The following PTPRN2 variants were observed in gnomAD, a reference collection of about 807,000 sequenced individuals.
PTPRN2 encodes receptor-type tyrosine-protein phosphatase N2.
In PTPRN2, 74 loss-of-function variants were observed where a neutral mutation model predicts 118.8. That is an observed-to-expected ratio of 0.62 (90% CI 0.52 to 0.76). The LOEUF is 0.76. Ranked by LOEUF, PTPRN2 falls within the 30% of genes least tolerant of loss-of-function variation. The pLI is 0.00. For synonymous variants in PTPRN2, 641 were observed against 608.0 expected (o/e 1.05, Z -0.80); for missense variants, 1,481 against 1,394.4 (o/e 1.06, Z -0.99).
rs1800902549 is a variant in PTPRN2, at chr7:157,590,136, T to C, written c.2496+5102A>G. On this transcript the variant is annotated intron_variant, in intron 17 of 22. Coordinates refer to ENST00000389418, the MANE Select transcript of PTPRN2 (RefSeq NM_002847.5). This position sits in a 1 kb window ranked among gnomAD's most constrained non-coding sequence, Gnocchi z 4.0. ...TTTCTTCCTAAGATCTTGATATGAC[T>C]TCAAATAATGTAGCACAAGATTGGC... is the stretch of plus-strand genomic sequence containing the variant. Among the ~76,000 whole-genome samples, 1 of 152,238 alleles carries C rather than the reference T, an allele frequency of 6.6e-6. No individual in the cohort carries two copies. The highest frequency in any genetic ancestry group is 2.1e-4 in the South Asian group (1 of 4,826).
At chr7:157,982,100 GAGTCACAGAGACA>G (rs1563295626) in intron 11 of PTPRN2, among the ~76,000 whole-genome samples, 39 of 135,186 alleles carry the variant, frequency 2.9e-4, no homozygotes, top group Non-Finnish European at 4.8e-4. Flanking sequence ...TCTAAACCCC[GAGTCACAGAGACA>G]AGGAGGGGAA....
intron 3 of PTPRN2, among the ~76,000 whole-genome samples, chr7:158,232,167 C>A (rs1482081962): frequency 1.3e-5 from 2 of 151,558 alleles, no homozygotes; most frequent in African/African-American, 4.8e-5. Flanking sequence ...ATCAATAAAA[C>A]AAAAAGTTTT....
intron 11 of PTPRN2, among the ~76,000 whole-genome samples, chr7:157,913,376 C>T (rs1198722255): frequency 6.6e-6 from 1 of 152,210 alleles, no homozygotes; most frequent in Non-Finnish European, 1.5e-5. Flanking sequence ...TGCTCCTTCT[C>T]TCCTAAGTGC....
chr7:158,462,055 A>T, intron 2 of PTPRN2, among the ~76,000 whole-genome samples: 1 of 132,774 alleles, frequency 7.5e-6, no homozygotes, highest in African/African-American at 2.7e-5. Context: ...CCATGCTTTC[A>T]GACCCCCTGT....
intron 12 of PTPRN2, among the ~76,000 whole-genome samples, chr7:157,699,989 G>A (rs1797988866): frequency 6.6e-6 from 1 of 152,236 alleles, no homozygotes; most frequent in African/African-American, 2.4e-5. Context: ...TCTGCCACAT[G>A]TAACTATATG....
At chr7:158,332,197 C>A (rs1467341791) in intron 2 of PTPRN2, among the ~76,000 whole-genome samples, 2 of 146,994 alleles carry the variant, frequency 1.4e-5, no homozygotes, top group East Asian at 2.0e-4. Flanking sequence ...AGATGTGACA[C>A]CTGCAGACAT....
chr7:158,127,162 C>G (rs900278455), intron 9 of PTPRN2, among the ~76,000 whole-genome samples: 1 of 152,240 alleles, frequency 6.6e-6, no homozygotes, highest in Non-Finnish European at 1.5e-5. Context: ...GCCGGCCTCC[C>G]CGCAAGACTC....
chr7:158,301,215 G>A (rs1192998486), intron 3 of PTPRN2, among the ~76,000 whole-genome samples: 1 of 152,126 alleles, frequency 6.6e-6, no homozygotes, highest in Non-Finnish European at 1.5e-5. Flanking sequence ...ACCTGTATTT[G>A]CACTTTGCAC....
At chr7:158,179,986 T>C (rs921353211) in intron 5 of PTPRN2, among the ~76,000 whole-genome samples, 3 of 152,262 alleles carry the variant, frequency 2.0e-5, no homozygotes, top group East Asian at 3.8e-4. Context: ...TCTCTGCCTA[T>C]GGGGTAGCCT....
intron 21 of PTPRN2, among the ~76,000 whole-genome samples, chr7:157,557,875 GT>G (rs1301800151): frequency 6.6e-6 from 1 of 151,458 alleles, no homozygotes; most frequent in African/African-American, 2.4e-5. Context: ...AAAAATATAA[GT>G]TAAAGAAAAT....
intron 11 of PTPRN2, among the ~76,000 whole-genome samples, chr7:157,911,586 C>T (rs1427461757): frequency 6.6e-6 from 1 of 151,516 alleles, no homozygotes; most frequent in Non-Finnish European, 1.5e-5. Flanking sequence ...AGGAAGATAC[C>T]AAAGAATATT....
At chr7:157,734,453 G>A in intron 12 of PTPRN2, among the ~76,000 whole-genome samples, 1 of 152,246 alleles carries the variant, frequency 6.6e-6, no homozygotes, top group East Asian at 1.9e-4. Context: ...ACCTTCAGGA[G>A]CAAGCATGCT....
intron 12 of PTPRN2, among the ~76,000 whole-genome samples, chr7:157,722,880 C>A (rs1349957510): frequency 6.6e-6 from 1 of 152,084 alleles, no homozygotes; most frequent in African/African-American, 2.4e-5. Context: ...GTGGTGGGGC[C>A]AGGCTGTGTC....
rs1335549283 is a variant in PTPRN2 at position 158,244,721 on chromosome 7, A to C, written c.278-39448T>G. Among the ~76,000 whole-genome samples, 4 of 68,462 alleles carry C rather than the reference A, an allele frequency of 5.8e-5. No individual in the cohort carries two copies. In the East Asian group the frequency reaches 2.0e-3, roughly 34 times the overall value. The allele number at this position is 68,462 out of a possible 152,430, so 44.9% of individuals were successfully genotyped here. ...TGTGTGTGGTTGTGAGTTGTGTTAGAGTGAAAGTGTGTGTGTGTGTGAGTT... is the reference window on the plus strand; with the variant it reads ...TGTGTGTGGTTGTGAGTTGTGTTAGCGTGAAAGTGTGTGTGTGTGTGAGTT... On this transcript the variant is annotated intron_variant, in intron 3 of 22. Transcript: ENST00000389418.
chr7:158,083,949 G>C (rs566153417), intron 10 of PTPRN2, among the ~76,000 whole-genome samples: 1 of 12,788 alleles, frequency 7.8e-5, no homozygotes, highest in Non-Finnish European at 4.1e-4. Context: ...AGGCTCTGAC[G>C]TGGGAAGAAG....
chr7:158,305,317 G>A (rs1046787162), intron 3 of PTPRN2, among the ~76,000 whole-genome samples: 3 of 152,100 alleles, frequency 2.0e-5, no homozygotes, highest in Non-Finnish European at 2.9e-5. Flanking sequence ...TTTTAACAAG[G>A]AAAGGACAAC....
intron 3 of PTPRN2, among the ~76,000 whole-genome samples, chr7:158,225,871 G>A (rs79227231): frequency 0.032 from 4,785 of 150,672 alleles, 282 homozygotes; most frequent in African/African-American, 0.11. Flanking sequence ...TCAGGGGATG[G>A]TGTATGACAT....
chr7:158,517,366 G>A lies in PTPRN2; in HGVS notation c.113-27581C>T, dbSNP rs1823650029. ...TATCACCGCCCACCACAGGCGCACTGTGGGCTGATGGGGTGGGCCACATAT... is the reference window on the plus strand; with the variant it reads ...TATCACCGCCCACCACAGGCGCACTATGGGCTGATGGGGTGGGCCACATAT... On this transcript the variant is annotated intron_variant, in intron 1 of 22. Transcript: ENST00000389418. This position sits in a 1 kb window ranked among gnomAD's most constrained non-coding sequence, Gnocchi z 5.3. 6.6e-6 allele frequency among the ~76,000 whole-genome samples: 1 copy of A among 152,164 alleles called. No individual in the cohort carries two copies.
At chr7:158,249,055 A>G (rs1303625456) in intron 3 of PTPRN2, among the ~76,000 whole-genome samples, 1 of 151,338 alleles carries the variant, frequency 6.6e-6, no homozygotes, top group African/African-American at 2.4e-5. Context: ...ACACACGTGC[A>G]CCCACATCAC....
Sources: gnomAD v4.1 joint callset for allele counts (sites outside exome capture counted in the v4.1 genomes callset) on GRCh38, gnomAD v4.1.1 for gene constraint, Gnocchi (gnomAD v3.1) non-coding constraint, MANE v1.5 for transcripts, NCBI Gene and HGNC (gene_info 2026-07-23, HGNC 2026-07-21) for gene names.